Variants in PIK3R4 observed in about 807,000 individuals in gnomAD.
PIK3R4 encodes phosphoinositide 3-kinase regulatory subunit 4.
A neutral mutation model predicts 136.5 loss-of-function variants in PIK3R4; 46 were observed. The observed-to-expected ratio is 0.34, with a 90% CI of 0.27 to 0.43. The LOEUF (loss-of-function observed/expected upper bound fraction) is 0.43, where lower values mean the gene tolerates loss of function less well. Ranked by LOEUF, PIK3R4 falls within the 20% of genes least tolerant of loss-of-function variation. The probability of loss-of-function intolerance (pLI) is 1.00; values close to 1 mark genes in which losing one functional copy is unlikely to be tolerated. For missense variants in PIK3R4, 1,331 were observed against 1,649.5 expected, an observed-to-expected ratio of 0.81 and a Z score of 3.35; for synonymous variants, 557 against 566.7, an observed-to-expected ratio of 0.98 and a Z score of 0.24.
At chr3:130,686,762 T>A (rs937156831) in intron 14 of PIK3R4, among the ~76,000 whole-genome samples, 9 of 152,240 alleles carry the variant, frequency 5.9e-5, no homozygotes, top group Non-Finnish European at 1.0e-4. Context: ...AGTGTCCTTT[T>A]ACTATTCCAG....
chr3:130,699,498 T>A (rs1576453671), intron 13 of PIK3R4, among the ~76,000 whole-genome samples: 1 of 152,140 alleles, frequency 6.6e-6, no homozygotes, highest in Non-Finnish European at 1.5e-5. Context: ...ACCACAGAGC[T>A]GGTAAAGGGG....
intron 9 of PIK3R4, among the ~76,000 whole-genome samples, chr3:130,709,845 C>G (rs1300433654): frequency 6.6e-6 from 1 of 152,014 alleles, no homozygotes; most frequent in Non-Finnish European, 1.5e-5. Context: ...AGACAGAAAG[C>G]AGATTAGTGA....
At chr3:130,694,813 C>A (rs1387729868) in intron 13 of PIK3R4, among the ~76,000 whole-genome samples, 1 of 152,078 alleles carries the variant, frequency 6.6e-6, no homozygotes, top group African/African-American at 2.4e-5. Flanking sequence ...ACCTCCAGTA[C>A]AGTATTCAAA....
rs771734252 is a variant in PIK3R4 at position 130,733,834 on chromosome 3, G to A, written c.1164C>T (p.Thr388=). 3.7e-6 allele frequency: 6 copies of A among 1,614,104 alleles called. No homozygotes were observed. The South Asian group carries it at 6.6e-5, about 18-fold the overall frequency. ...CTAGTTTGGAATCACAGTATTTAAG[G>A]GTCTGTAGGCAGGATGTTATAACAG... The part of the protein sequence containing the change: ...LVSVITSCLQ[T]LKYCDSKLAA... Residue 388 remains threonine, a synonymous_variant, in exon 4 of 20, where the codon ACC becomes ACT. Coordinates refer to ENST00000356763, the MANE Select transcript of PIK3R4 (RefSeq NM_014602.3).
chr3:130,718,970 T>C (rs373238760), intron 7 of PIK3R4, among the ~76,000 whole-genome samples: 47 of 152,198 alleles, frequency 3.1e-4, no homozygotes, highest in African/African-American at 9.6e-4. Flanking sequence ...GGCAGAGAAA[T>C]TGGGGAGAAT....
chr3:130,688,880 C>A (rs1224645641), intron 14 of PIK3R4, among the ~76,000 whole-genome samples: 1 of 152,080 alleles, frequency 6.6e-6, no homozygotes, highest in Non-Finnish European at 1.5e-5. Context: ...TATTTTGCAA[C>A]CCTTTAAAAA....
rs896913444 is a variant in PIK3R4, at chr3:130,746,507, G to C, written c.-236C>G. On this transcript the variant is annotated 5_prime_UTR_variant, in exon 1 of 20. Transcript: ENST00000356763. ...AAAGTCCCGATCTTCAGGAACCCCG[G>C]TGGTCCTGGGAGGAGAACTGGGAAA... is the stretch of plus-strand genomic sequence containing the variant. 1 of 152,296 alleles carries C rather than the reference G, an allele frequency of 6.6e-6. No individual in the cohort carries two copies. Among genetic ancestry groups the C allele is most frequent in the East Asian group, 1.9e-4 (1 of 5,202 alleles). 9.4% of individuals were successfully genotyped at this position (152,296 alleles called of 1,614,324 possible). A position where few individuals can be genotyped will look rare whatever the true frequency, so the allele number is the denominator to read the frequency against.
At chr3:130,735,119 C>A (rs1028447033) in intron 3 of PIK3R4, among the ~76,000 whole-genome samples, 3 of 152,268 alleles carry the variant, frequency 2.0e-5, no homozygotes, top group East Asian at 3.9e-4. Context: ...GTGCACTGTT[C>A]AATAAATATG....
rs1350271482 is a variant in PIK3R4, at chr3:130,723,601, G to A, written c.1808-14C>T. On this transcript the variant is annotated splice_polypyrimidine_tract_variant and intron_variant, in intron 6 of 19. Transcript: ENST00000356763. ...AGGCAGCAACACCTGGAAATGAAAAGCAATATTATGTGATTATTCAATACC... is the reference window on the plus strand; with the variant it reads ...AGGCAGCAACACCTGGAAATGAAAAACAATATTATGTGATTATTCAATACC... The A allele has an allele frequency of 3.7e-6, 6 of 1,606,350 alleles. No homozygotes were observed. The highest frequency in any genetic ancestry group is 3.4e-5 in the Admixed American group (2 of 58,570).
At chr3:130,736,475 A>G (rs1559831031) in intron 2 of PIK3R4, among the ~76,000 whole-genome samples, 1 of 152,174 alleles carries the variant, frequency 6.6e-6, no homozygotes, top group Non-Finnish European at 1.5e-5. Context: ...AGGCTGAGGC[A>G]CAAGAATCAC....
At chr3:130,719,195 A>C (rs528032466) in intron 7 of PIK3R4, among the ~76,000 whole-genome samples, 2 of 152,220 alleles carry the variant, frequency 1.3e-5, no homozygotes, top group Admixed American at 1.3e-4. Context: ...ATGTCTTTTC[A>C]TACCTTTTAA....
At chr3:130,696,231 T>C (rs2066545712) in intron 13 of PIK3R4, among the ~76,000 whole-genome samples, 1 of 151,854 alleles carries the variant, frequency 6.6e-6, no homozygotes, top group Non-Finnish European at 1.5e-5. Flanking sequence ...ACAACCAATT[T>C]CTACTTTTGC....
At chr3:130,732,561 G>C (rs2066764989) in intron 4 of PIK3R4, among the ~76,000 whole-genome samples, 1 of 152,034 alleles carries the variant, frequency 6.6e-6, no homozygotes, top group African/African-American at 2.4e-5. Flanking sequence ...AGAAATCCTG[G>C]ATTTCTGGGC....
chr3:130,686,115 C>A, intron 15 of PIK3R4, 96 bp downstream of exon 15: 17 of 672,332 alleles, frequency 2.5e-5, no homozygotes, highest in South Asian at 5.8e-5. Flanking sequence ...GGAAAAATTA[C>A]CAATGAACAA....
chr3:130,737,240 C>T (rs1233793872), intron 2 of PIK3R4, among the ~76,000 whole-genome samples: 1 of 152,240 alleles, frequency 6.6e-6, no homozygotes, highest in Non-Finnish European at 1.5e-5. Context: ...TACCGCCACA[C>T]CCCTCACCGG....
chr3:130,706,378 T>G (rs574579757), intron 11 of PIK3R4, among the ~76,000 whole-genome samples: 2 of 152,330 alleles, frequency 1.3e-5, no homozygotes, highest in African/African-American at 4.8e-5. Context: ...GTGTTGAATA[T>G]CTCATGTAAC....
chr3:130,684,481 T>C (rs2066477615), intron 15 of PIK3R4, 100 bp from the exon 16 acceptor site: 6 of 1,108,042 alleles, frequency 5.4e-6, no homozygotes, highest in South Asian at 4.7e-5. Context: ...TATGAATTTA[T>C]TTGAAAAATG....
At chr3:130,692,671 A>C (rs1196954207) in intron 13 of PIK3R4, among the ~76,000 whole-genome samples, 2 of 152,198 alleles carry the variant, frequency 1.3e-5, no homozygotes, top group Non-Finnish European at 2.9e-5. Flanking sequence ...TTTGTGTATA[A>C]GTCTTTGTGT....
In PIK3R4 at chr3:130,745,232, T is replaced by A. The variant is rs926270455; in HGVS notation, c.-14A>T. The stretch of plus-strand genomic sequence containing the variant: ...CTGATTTCCCATAATGGCAAGCACC[T>A]CTGTGGTCTTTAGTAAGGTTAGGAT... On this transcript the variant is annotated 5_prime_UTR_variant, in exon 2 of 20. Transcript: ENST00000356763. The A allele has an allele frequency of 3.2e-6, 5 of 1,577,760 alleles. No individual in the cohort carries two copies. The highest frequency in any genetic ancestry group is 2.7e-5 in the African/African-American group (2 of 73,020).
Sources: gnomAD v4.1 joint callset for allele counts (sites outside exome capture counted in the v4.1 genomes callset) on GRCh38, gnomAD v4.1.1 for gene constraint, MANE v1.5 for transcripts, NCBI Gene and HGNC (gene_info 2026-07-23, HGNC 2026-07-21) for gene names.